NUP93: variants seen among roughly 807,000 people sequenced by gnomAD.
NUP93 encodes the protein nucleoporin 93.
In NUP93, 55 loss-of-function variants were observed where a neutral mutation model predicts 107.8. The ratio of observed to expected loss-of-function variants is 0.51; its 90% CI spans 0.41 to 0.64. NUP93 has a LOEUF of 0.64. NUP93 is among the 30% of genes least tolerant of loss of function. The probability of loss-of-function intolerance (pLI) is 0.00; values close to 1 mark genes in which losing one functional copy is unlikely to be tolerated. For missense variants in NUP93, 937 were observed against 1,044.7 expected, an observed-to-expected ratio of 0.90 and a Z score of 1.42; for synonymous variants, 390 against 397.5, an observed-to-expected ratio of 0.98 and a Z score of 0.22.
chr16:56,786,569 T>G (rs1294613901), intron 3 of NUP93, among the ~76,000 whole-genome samples: 5 of 152,250 alleles, frequency 3.3e-5, no homozygotes, highest in African/African-American at 1.2e-4. Flanking sequence ...AATTACTTAC[T>G]GAGCTGTGCT....
intron 3 of NUP93, among the ~76,000 whole-genome samples, chr16:56,789,302 C>T (rs943257329): frequency 6.6e-6 from 1 of 152,252 alleles, no homozygotes; most frequent in Non-Finnish European, 1.5e-5. Context: ...ACATTCAATT[C>T]TCTTTAACCT....
At chr16:56,782,114 A>C in intron 3 of NUP93, 1 of 985,300 alleles carries the variant, frequency 1.0e-6, no homozygotes. Flanking sequence ...AAACTTGAGC[A>C]CTGGTTCCGA....
At chr16:56,773,258 T>C (rs754279633) in intron 3 of NUP93, among the ~76,000 whole-genome samples, 1 of 152,232 alleles carries the variant, frequency 6.6e-6, no homozygotes, top group Non-Finnish European at 1.5e-5. Context: ...GTTTCGGAAA[T>C]GAAGTTGTAA....
At chr16:56,801,638 G>A (rs1425046610) in intron 4 of NUP93, among the ~76,000 whole-genome samples, 1 of 152,058 alleles carries the variant, frequency 6.6e-6, no homozygotes, top group African/African-American at 2.4e-5. Flanking sequence ...GTCTCGAACT[G>A]CTGACCTCAA....
At chr16:56,781,747 C>G (rs1962518612) in intron 3 of NUP93, 1 of 810,296 alleles carries the variant, frequency 1.2e-6, no homozygotes, top group Non-Finnish European at 1.5e-6. Flanking sequence ...CATTCCTTGC[C>G]TACATGTTGT....
intron 3 of NUP93, among the ~76,000 whole-genome samples, chr16:56,763,722 T>C (rs1293253915): frequency 6.6e-6 from 1 of 152,166 alleles, no homozygotes; most frequent in Non-Finnish European, 1.5e-5. Flanking sequence ...GTATATTGGC[T>C]TCCCTGCTGA....
chr16:56,752,877 A>G (rs1319499635), intron 2 of NUP93, among the ~76,000 whole-genome samples: 1 of 152,232 alleles, frequency 6.6e-6, no homozygotes, highest in Non-Finnish European at 1.5e-5. Flanking sequence ...ATTTTCAACA[A>G]GGGTACCTAG....
intron 1 of NUP93, among the ~76,000 whole-genome samples, chr16:56,745,269 T>G (rs548947775): frequency 2.6e-5 from 4 of 152,210 alleles, no homozygotes; most frequent in Admixed American, 6.5e-5. Context: ...GCCTGATCTG[T>G]TGGGGACCAG....
intron 1 of NUP93, among the ~76,000 whole-genome samples, chr16:56,745,846 C>A (rs1451968065): frequency 2.0e-5 from 3 of 152,216 alleles, no homozygotes; most frequent in East Asian, 1.9e-4. Flanking sequence ...TTAAAAAAAT[C>A]TTTATTAGAC....
intron 3 of NUP93, among the ~76,000 whole-genome samples, chr16:56,789,685 CAT>C (rs1414741553): frequency 8.5e-5 from 13 of 152,264 alleles, no homozygotes; most frequent in African/African-American, 3.1e-4. Flanking sequence ...GCATTAAAAA[CAT>C]ATTACAGTTG....
intron 21 of NUP93, among the ~76,000 whole-genome samples, chr16:56,842,913 ACT>A (rs1190664595): frequency 6.6e-6 from 1 of 151,838 alleles, no homozygotes; most frequent in Non-Finnish European, 1.5e-5. Flanking sequence ...TTTTGATGAG[ACT>A]CTCAGCATCT....
At chr16:56,744,516 A>G (rs1322309660) in intron 1 of NUP93, among the ~76,000 whole-genome samples, 1 of 152,224 alleles carries the variant, frequency 6.6e-6, no homozygotes, top group Non-Finnish European at 1.5e-5. Flanking sequence ...TTTTTTGTAT[A>G]ATTAATTTCT....
At chr16:56,779,850 C>A (rs1435365783) in intron 3 of NUP93, among the ~76,000 whole-genome samples, 1 of 152,100 alleles carries the variant, frequency 6.6e-6, no homozygotes, top group Non-Finnish European at 1.5e-5. Flanking sequence ...TTCTTACTCC[C>A]CTGTAGTGAA....
intron 3 of NUP93, among the ~76,000 whole-genome samples, chr16:56,769,172 A>T (rs1364776982): frequency 6.6e-6 from 1 of 152,202 alleles, no homozygotes; most frequent in Non-Finnish European, 1.5e-5. Context: ...TGTTTTAGTG[A>T]AGGAGGGAAG....
At chr16:56,764,212 C>T (rs951368269) in intron 3 of NUP93, among the ~76,000 whole-genome samples, 11 of 152,074 alleles carry the variant, frequency 7.2e-5, no homozygotes, top group African/African-American at 2.2e-4. Flanking sequence ...AATCAATGGC[C>T]GGATGCGGTG....
At chr16:56,752,349 G>T (rs1191114256) in intron 2 of NUP93, among the ~76,000 whole-genome samples, 12 of 152,176 alleles carry the variant, frequency 7.9e-5, no homozygotes, top group African/African-American at 2.9e-4. Context: ...ATGTCCATCA[G>T]TAGGTGACTA....
rs2144456680 is a variant in NUP93, at chr16:56,748,232, A to T, written c.-14-2A>T. On this transcript the variant is annotated splice_acceptor_variant, in intron 1 of 21. Coordinates refer to ENST00000308159, the MANE Select transcript of NUP93 (RefSeq NM_014669.5). LOFTEE classifies it low-confidence loss of function (5UTR_SPLICE). ...GATCTTTTCATTTTTTCTCCCATCT[A>T]GGATCTGCATCTCCAATGGATACTG... 1 of 1,578,316 alleles carries T rather than the reference A, an allele frequency of 6.3e-7. No homozygotes were observed. The highest frequency in any genetic ancestry group is 1.8e-5 in the Admixed American group (1 of 56,028).
intron 3 of NUP93, among the ~76,000 whole-genome samples, chr16:56,759,077 A>G (rs1393934905): frequency 1.3e-5 from 2 of 152,212 alleles, no homozygotes; most frequent in Admixed American, 6.5e-5. Flanking sequence ...AACTTAGAGT[A>G]CTATTTACTG....
intron 3 of NUP93, among the ~76,000 whole-genome samples, chr16:56,792,495 C>A (rs1203361581): frequency 1.3e-5 from 2 of 152,176 alleles, no homozygotes; most frequent in Admixed American, 1.3e-4. Flanking sequence ...GGACATAGAA[C>A]CCCAAAGAGC....
Sources: allele counts gnomAD v4.1 joint callset (sites outside exome capture counted in the v4.1 genomes callset), GRCh38; gene constraint gnomAD v4.1.1; transcripts MANE v1.5; gene names NCBI Gene and HGNC (gene_info 2026-07-23, HGNC 2026-07-21).